Variants in CAMKK1 observed in about 807,000 individuals in gnomAD.
CAMKK1 encodes the protein calcium/calmodulin dependent protein kinase kinase 1, also known as calcium/calmodulin-dependent protein kinase kinase 1.
A neutral mutation model predicts 63.5 loss-of-function variants in CAMKK1; 20 were observed. The observed-to-expected ratio is 0.32, with a 90% CI of 0.22 to 0.46. The LOEUF is 0.46. CAMKK1 is among the 20% of genes least tolerant of loss of function. The pLI, the probability that CAMKK1 is intolerant of heterozygous loss-of-function variation, is 1.00. For synonymous variants in CAMKK1, 253 were observed against 269.0 expected (o/e 0.94, Z 0.58); for missense variants, 588 against 658.1 (o/e 0.89, Z 1.17).
chr17:3,862,127 C>T lies in CAMKK1; in HGVS notation c.*84G>A, dbSNP rs1344884385. The T allele has an allele frequency of 8.7e-6, 10 of 1,147,044 alleles. No individual in the cohort carries two copies. Among genetic ancestry groups the T allele is most frequent in the South Asian group, 5.3e-5 (4 of 74,998 alleles). The allele number at this position is 1,147,044 out of a possible 1,614,324, so 71.1% of individuals were successfully genotyped here. A position where few individuals can be genotyped will look rare whatever the true frequency, so the allele number is the denominator to read the frequency against. ...GCTGCAGTCCCCAGCCCCCTGCCTG[C>T]GGGGGCGGCTGTTGCATGAGGGGTG... On this transcript the variant is annotated 3_prime_UTR_variant, in exon 16 of 16. Transcript: ENST00000348335. The surrounding 1 kb of genome is among the most constrained non-coding windows in gnomAD (Gnocchi z 4.1).
At chr17:3,876,199 C>T in intron 10 of CAMKK1, 24 bp downstream of exon 10, 1 of 1,606,408 alleles carries the variant, frequency 6.2e-7, no homozygotes, top group Non-Finnish European at 8.5e-7. Context: ...TGAACCCCAG[C>T]CTGGCCCAGG....
In CAMKK1 at chr17:3,883,332, C is replaced by T. The variant is rs1786118628; in HGVS notation, c.514+97G>A. ...AGGCCTCTGCTCACGCTGTCTCCCT[C>T]TCTACCCCATTCCTAGCCAAAACTA... On this transcript the variant is annotated intron_variant, in intron 5 of 15. Transcript: ENST00000348335. This position sits in a 1 kb window ranked among gnomAD's most constrained non-coding sequence, Gnocchi z 4.7. The T allele has an allele frequency of 6.7e-7, 1 of 1,491,010 alleles. No homozygotes were observed. The highest frequency in any genetic ancestry group is 1.7e-5 in the Admixed American group (1 of 59,470). The allele number at this position is 1,491,010 out of a possible 1,614,324, so 92.4% of individuals were successfully genotyped here. A position where few individuals can be genotyped will look rare whatever the true frequency, so the allele number is the denominator to read the frequency against.
Position 3,884,011 on chromosome 17 carries a change from C to T in CAMKK1, c.409-74G>A, listed in dbSNP as rs1016096318. 31 of 1,454,726 alleles carry T rather than the reference C, an allele frequency of 2.1e-5. No individual in the cohort carries two copies. The highest frequency in any genetic ancestry group is 4.6e-5 in the East Asian group (2 of 43,698). The allele number at this position is 1,454,726 out of a possible 1,614,324, so 90.1% of individuals were successfully genotyped here. A position where few individuals can be genotyped will look rare whatever the true frequency, so the allele number is the denominator to read the frequency against. On this transcript the variant is annotated intron_variant, in intron 3 of 15. Coordinates refer to ENST00000348335, the MANE Select transcript of CAMKK1 (RefSeq NM_032294.3). The surrounding 1 kb of genome is among the most constrained non-coding windows in gnomAD (Gnocchi z 4.5). ...AGGACCAGCTCAGGAGGTGGGGAGCCGAGCAGCTCTGGTCTCTCCTGCACC... is the reference window on the plus strand; with the variant it reads ...AGGACCAGCTCAGGAGGTGGGGAGCTGAGCAGCTCTGGTCTCTCCTGCACC...
At position 3,864,492 on chromosome 17, in the gene CAMKK1, C is replaced by T. The variant is rs2532948; in HGVS notation, c.1445+1416G>A. Among the ~76,000 whole-genome samples the T allele has an allele frequency of 6.8e-3, 1,024 of 150,870 alleles. 12 individuals carry two copies. The highest frequency in any genetic ancestry group is 0.028 in the Middle Eastern group (8 of 288). ...CGATCTCCTGACCCTGTGATCCACC[C>T]GCCTCGGCCTCCCAAAGTGCTGGGA... is the stretch of plus-strand genomic sequence containing the variant. On this transcript the variant is annotated intron_variant, in intron 15 of 15. Coordinates refer to ENST00000348335, the MANE Select transcript of CAMKK1 (RefSeq NM_032294.3).
rs1397725265 is a variant in CAMKK1 at position 3,890,008 on chromosome 17, C to T, written c.-44+2931G>A. Reference sequence around the variant, plus strand: ...CCAAGCCGAGGCAGGGGACCAGCTACATCCAGGCGAGGGGATGGACAGCCG... The same window carrying T: ...CCAAGCCGAGGCAGGGGACCAGCTATATCCAGGCGAGGGGATGGACAGCCG... On this transcript the variant is annotated intron_variant, in intron 1 of 15. Transcript: ENST00000348335. The surrounding 1 kb of genome is among the most constrained non-coding windows in gnomAD (Gnocchi z 6.5). Among the ~76,000 whole-genome samples the T allele has an allele frequency of 6.6e-6, 1 of 152,232 alleles. No individual in the cohort carries two copies. Among genetic ancestry groups the T allele is most frequent in the Non-Finnish European group, 1.5e-5 (1 of 68,036 alleles).
In CAMKK1 at chr17:3,882,737, G is replaced by A. The variant is rs957213664; in HGVS notation, c.649-173C>T. 1.3e-5 allele frequency among the ~76,000 whole-genome samples: 2 copies of A among 152,046 alleles called. No individual in the cohort carries two copies. Among genetic ancestry groups the A allele is most frequent in the African/African-American group, 4.8e-5 (2 of 41,378 alleles). ...GACTGATGGGGCCTCAGAAGTCACC[G>A]ACCCCCAACCTGGCCCGCCACACGA... On this transcript the variant is annotated intron_variant, in intron 6 of 15. Transcript: ENST00000348335. This position sits in a 1 kb window ranked among gnomAD's most constrained non-coding sequence, Gnocchi z 4.3.
At chr17:3,877,213 C>T (rs1215171785) in intron 9 of CAMKK1, among the ~76,000 whole-genome samples, 1 of 152,198 alleles carries the variant, frequency 6.6e-6, no homozygotes, top group East Asian at 1.9e-4. Context: ...TGTAGGGACT[C>T]TGCTATCCTA....
chr17:3,872,289 C>A lies in CAMKK1; in HGVS notation c.1124+265G>T, dbSNP rs576220281. On this transcript the variant is annotated intron_variant, in intron 12 of 15. Coordinates refer to ENST00000348335, the MANE Select transcript of CAMKK1 (RefSeq NM_032294.3). ...GCGCCACTGACCCCAGGCAGGCCTGCGGTGAAGGAGTGGTGTGAATGATGC... is the reference window on the plus strand; with the variant it reads ...GCGCCACTGACCCCAGGCAGGCCTGAGGTGAAGGAGTGGTGTGAATGATGC... 1.4e-3 allele frequency among the ~76,000 whole-genome samples: 219 copies of A among 152,294 alleles called. 1 individual carries two copies. Among genetic ancestry groups the A allele is most frequent in the Non-Finnish European group, 2.4e-3 (165 of 68,016 alleles).
At chr17:3,891,925 G>A (rs994970194) in intron 1 of CAMKK1, among the ~76,000 whole-genome samples, 14 of 152,210 alleles carry the variant, frequency 9.2e-5, no homozygotes, top group African/African-American at 3.4e-4. Context: ...CGACTCCCAT[G>A]GCTGCTGTGA....
intron 15 of CAMKK1, 68 bp downstream of exon 15, chr17:3,865,840 G>A (rs2054497086): frequency 1.9e-6 from 3 of 1,600,110 alleles, no homozygotes; most frequent in Non-Finnish European, 2.6e-6. Context: ...AGAGTGGGAG[G>A]ATGGGCCTCA....
chr17:3,867,965 G>A lies in CAMKK1; in HGVS notation c.1341+1522C>T, dbSNP rs927771650. On this transcript the variant is annotated intron_variant, in intron 14 of 15. Coordinates refer to ENST00000348335, the MANE Select transcript of CAMKK1 (RefSeq NM_032294.3). ...GACACAGGCACTGTCTAATGGATACGCAGGATCTGGGGGAGATGCAGGCAC... is the reference window on the plus strand; with the variant it reads ...GACACAGGCACTGTCTAATGGATACACAGGATCTGGGGGAGATGCAGGCAC... Among the ~76,000 whole-genome samples, 12 of 141,120 alleles carry A rather than the reference G, an allele frequency of 8.5e-5. 1 individual carries two copies. The East Asian group carries it at 1.6e-3, about 19-fold the overall frequency. The allele number at this position is 141,120 out of a possible 152,430, so 92.6% of individuals were successfully genotyped here. A position where few individuals can be genotyped will look rare whatever the true frequency, so the allele number is the denominator to read the frequency against.
Position 3,890,911 on chromosome 17 carries a change from C to T in CAMKK1, c.-44+2028G>A, listed in dbSNP as rs1337459449. Among the ~76,000 whole-genome samples the T allele has an allele frequency of 6.6e-6, 1 of 152,236 alleles. No homozygotes were observed. The highest frequency in any genetic ancestry group is 2.4e-5 in the African/African-American group (1 of 41,466). On this transcript the variant is annotated intron_variant, in intron 1 of 15. Transcript: ENST00000348335. The surrounding 1 kb of genome is among the most constrained non-coding windows in gnomAD (Gnocchi z 6.5). Reference sequence around the variant, plus strand: ...CCCTTAGAAGTCCAGATTCTACCCACTGCTTCGTTTCCCACTATGTGGGTC... The same window carrying T: ...CCCTTAGAAGTCCAGATTCTACCCATTGCTTCGTTTCCCACTATGTGGGTC...
rs763146758 is a variant in CAMKK1, at chr17:3,880,400, A to G, written c.742T>C (p.Ser248Pro). The G allele has an allele frequency of 3.1e-6, 5 of 1,613,956 alleles. No individual in the cohort carries two copies. In the South Asian group the frequency reaches 5.5e-5, roughly 18 times the overall value. ...VMEVPCDKPF[S>P]EEQARLYLRD... ...AGGTAGAGGCGAGCTTGCTCCTCCGAGAAGGGCTTGTCACAGGGCACTTCC... is the reference window on the plus strand; with the variant it reads ...AGGTAGAGGCGAGCTTGCTCCTCCGGGAAGGGCTTGTCACAGGGCACTTCC... The change falls in exon 9 of 16, where the codon TCG (serine) becomes CCG (proline). Residue 248 changes from serine to proline, a missense_variant. By Grantham distance (74) the Ser-to-Pro change is moderately conservative. Coordinates refer to ENST00000348335, the MANE Select transcript of CAMKK1 (RefSeq NM_032294.3).
In CAMKK1 at chr17:3,882,455, G is replaced by T; in HGVS notation, c.685+73C>A. On this transcript the variant is annotated intron_variant, in intron 7 of 15. Coordinates refer to ENST00000348335, the MANE Select transcript of CAMKK1 (RefSeq NM_032294.3). This position sits in a 1 kb window ranked among gnomAD's most constrained non-coding sequence, Gnocchi z 4.3. ...GTGCATTTACACCGCCCACCTGAAGGTCATACATGTCCCAAGGGAGCCCTT... is the reference window on the plus strand; with the variant it reads ...GTGCATTTACACCGCCCACCTGAAGTTCATACATGTCCCAAGGGAGCCCTT... 6.3e-7 allele frequency: 1 copy of T among 1,585,846 alleles called. No homozygotes were observed. Among genetic ancestry groups the T allele is most frequent in the South Asian group, 1.1e-5 (1 of 90,068 alleles).
chr17:3,869,860 G>A lies in CAMKK1; in HGVS notation c.1153C>T (p.Leu385=). The change falls in exon 13 of 16, where the codon CTG becomes TTG. Residue 385 remains leucine (L), a synonymous_variant. Transcript: ENST00000348335. The part of the protein sequence containing the change: ...EPEISEELKD[L]ILKMLDKNPE... Reference sequence around the variant, plus strand: ...TTCTTGTCTAACATCTTCAGGATCAGGTCCTTGAGCTCCTCGCTGATTTCT... The same window carrying A: ...TTCTTGTCTAACATCTTCAGGATCAAGTCCTTGAGCTCCTCGCTGATTTCT... The A allele has an allele frequency of 6.2e-7, 1 of 1,614,236 alleles. No individual in the cohort carries two copies. The highest frequency in any genetic ancestry group is 1.3e-5 in the African/African-American group (1 of 75,058).
intron 14 of CAMKK1, among the ~76,000 whole-genome samples, chr17:3,867,178 G>A (rs565253430): frequency 6.6e-6 from 1 of 152,338 alleles, no homozygotes; most frequent in Admixed American, 6.5e-5. Flanking sequence ...GTCAGGGAAG[G>A]CTCGCTTCTC....
At position 3,872,722 on chromosome 17, in the gene CAMKK1, G is replaced by A. The variant is rs914984417; in HGVS notation, c.1051-95C>T. On this transcript the variant is annotated intron_variant, in intron 11 of 15. Transcript: ENST00000348335. The stretch of plus-strand genomic sequence containing the variant: ...CTCCCTTGGTGGGGGCAGGGGTAGG[G>A]GGCAGGTCTGGGCTCCCATTACATG... 9 of 918,378 alleles carry A rather than the reference G, an allele frequency of 9.8e-6. No individual in the cohort carries two copies. The African/African-American group carries it at 1.3e-4, about 13-fold the overall frequency. 56.9% of individuals were successfully genotyped at this position (918,378 alleles called of 1,614,324 possible). A position where few individuals can be genotyped will look rare whatever the true frequency, so the allele number is the denominator to read the frequency against.
chr17:3,882,619 G>A lies in CAMKK1; in HGVS notation c.649-55C>T. 1 of 1,510,462 alleles carries A rather than the reference G, an allele frequency of 6.6e-7. No individual in the cohort carries two copies. The highest frequency in any genetic ancestry group is 9.0e-7 in the Non-Finnish European group (1 of 1,106,310). The allele number at this position is 1,510,462 out of a possible 1,614,324, so 93.6% of individuals were successfully genotyped here. A position where few individuals can be genotyped will look rare whatever the true frequency, so the allele number is the denominator to read the frequency against. Reference sequence around the variant, plus strand: ...GGCTTGAGGAGGCGTGGGGTTGGAGGTCCCAGGCCTCCTGGTCCTTGCCAG... The same window carrying A: ...GGCTTGAGGAGGCGTGGGGTTGGAGATCCCAGGCCTCCTGGTCCTTGCCAG... On this transcript the variant is annotated intron_variant, in intron 6 of 15. Transcript: ENST00000348335. The surrounding 1 kb of genome is among the most constrained non-coding windows in gnomAD (Gnocchi z 4.3).
Position 3,869,505 on chromosome 17 carries a change from G to C in CAMKK1, c.1323C>G (p.Ile441Met), listed in dbSNP as rs1021135833. 9 of 1,614,132 alleles carry C rather than the reference G, an allele frequency of 5.6e-6. No homozygotes were observed. Among genetic ancestry groups the C allele is most frequent in the Non-Finnish European group, 7.6e-6 (9 of 1,180,058 alleles). The change falls in exon 14 of 16, where the codon ATC (isoleucine) becomes ATG (methionine). Residue 441 changes from isoleucine to methionine, a missense_variant. By Grantham distance (10) the Ile-to-Met change is conservative (BLOSUM62 1). Around this residue, in one of 3 missense-constraint regions of CAMKK1, gnomAD observed 226 missense variants for 229.2 expected, o/e 0.99. Transcript: ENST00000348335. Reference protein sequence around the residue: ...EEEVKNSVRLIPSWTTVILVK... With the variant: ...EEEVKNSVRLMPSWTTVILVK... ...CTCTTACCACCGTGGTCCAGCTGGG[G>C]ATGAGCCTGACTGAGTTCTTAACCT...
Sources: gnomAD v4.1 joint callset for allele counts (sites outside exome capture counted in the v4.1 genomes callset) on GRCh38, gnomAD v4.1.1 for gene constraint, gnomAD v4.1.1 regional missense constraint, Gnocchi (gnomAD v3.1) non-coding constraint, MANE v1.5 for transcripts, NCBI Gene and HGNC (gene_info 2026-07-23, HGNC 2026-07-21) for gene names.